Variants in INPP4B observed in about 807,000 individuals in gnomAD.
The protein encoded by INPP4B is inositol polyphosphate 4-phosphatase type II.
INPP4B carries 55 observed loss-of-function variants against 122.5 expected under a neutral mutation model. The observed-to-expected ratio is 0.45, with a 90% CI of 0.36 to 0.56. INPP4B has a LOEUF of 0.56. INPP4B is among the 20% of genes least tolerant of loss of function. INPP4B has a pLI of 0.00. For synonymous variants in INPP4B, 403 were observed against 388.7 expected (o/e 1.04, Z -0.43); for missense variants, 1,000 against 1,097.7 (o/e 0.91, Z 1.26).
chr4:142,474,027 C>T (rs759268167), intron 2 of INPP4B, among the ~76,000 whole-genome samples: 8 of 152,138 alleles, frequency 5.3e-5, no homozygotes, highest in African/African-American at 7.2e-5. Flanking sequence ...AGGAAACATC[C>T]GGGCTGCAGG....
At chr4:142,410,112 GA>G (rs1488765560) in intron 5 of INPP4B, among the ~76,000 whole-genome samples, 1 of 152,178 alleles carries the variant, frequency 6.6e-6, no homozygotes, top group Non-Finnish European at 1.5e-5. Flanking sequence ...AATACCTCTT[GA>G]TTCACATCAG....
intron 3 of INPP4B, among the ~76,000 whole-genome samples, chr4:142,448,403 G>C (rs895300446): frequency 6.8e-6 from 1 of 146,586 alleles, no homozygotes; most frequent in African/African-American, 2.5e-5. Context: ...CAATAGTGAA[G>C]CATTAAACTT....
intron 8 of INPP4B, among the ~76,000 whole-genome samples, chr4:142,307,448 C>G (rs1335496343): frequency 6.6e-6 from 1 of 151,684 alleles, no homozygotes; most frequent in Non-Finnish European, 1.5e-5. Flanking sequence ...TGCTGATAAC[C>G]CCCCACTGCA....
intron 2 of INPP4B, among the ~76,000 whole-genome samples, chr4:142,646,782 T>C (rs1013096992): frequency 1.3e-5 from 2 of 152,282 alleles, no homozygotes; most frequent in African/African-American, 4.8e-5. Context: ...CCAATCTAGA[T>C]TGAAACCAGG....
At chr4:142,794,017 A>G (rs998085932) in intron 1 of INPP4B, among the ~76,000 whole-genome samples, 4 of 152,178 alleles carry the variant, frequency 2.6e-5, no homozygotes, top group Admixed American at 2.6e-4. Flanking sequence ...ATTACAAACA[A>G]AGAATCAATG....
At chr4:142,230,420 T>C (rs781516938) in intron 12 of INPP4B, among the ~76,000 whole-genome samples, 62 of 151,650 alleles carry the variant, frequency 4.1e-4, no homozygotes, top group Non-Finnish European at 7.8e-4. Context: ...CTGAGGCAGG[T>C]GGATCACCTG....
chr4:142,747,564 A>AT (rs1177221115), intron 1 of INPP4B, among the ~76,000 whole-genome samples: 1 of 152,206 alleles, frequency 6.6e-6, no homozygotes, highest in East Asian at 1.9e-4. Context: ...ATAAAGACAC[A>AT]TGCACATGTA....
chr4:142,235,578 C>T (rs1416434242), intron 12 of INPP4B, among the ~76,000 whole-genome samples: 1 of 152,058 alleles, frequency 6.6e-6, no homozygotes, highest in South Asian at 2.1e-4. Context: ...CCCACCACCA[C>T]GCCTGGATAA....
intron 7 of INPP4B, among the ~76,000 whole-genome samples, chr4:142,330,774 A>C (rs1050726675): frequency 1.3e-5 from 2 of 152,182 alleles, no homozygotes; most frequent in African/African-American, 4.8e-5. Context: ...GTCATTTATA[A>C]TGTATGTTTT....
At chr4:142,599,912 C>G (rs1037231141) in intron 2 of INPP4B, among the ~76,000 whole-genome samples, 1 of 151,282 alleles carries the variant, frequency 6.6e-6, no homozygotes, top group Admixed American at 6.6e-5. Context: ...TAGACTAGAC[C>G]AAGCAGAAGA....
intron 1 of INPP4B, among the ~76,000 whole-genome samples, chr4:142,808,251 G>C (rs1461249009): frequency 6.6e-6 from 1 of 152,068 alleles, no homozygotes; most frequent in Non-Finnish European, 1.5e-5. Context: ...TACCAAATAA[G>C]GTTTCACAAC....
At chr4:142,505,172 G>A (rs59456427) in intron 2 of INPP4B, among the ~76,000 whole-genome samples, 6,887 of 151,232 alleles carry the variant, frequency 0.046, 195 homozygotes, top group Middle Eastern at 0.075. Flanking sequence ...CCAGGAATTC[G>A]AGGTTGCAGT....
intron 7 of INPP4B, among the ~76,000 whole-genome samples, chr4:142,354,094 A>G (rs1782806132): frequency 6.6e-6 from 1 of 152,018 alleles, no homozygotes; most frequent in Non-Finnish European, 1.5e-5. Flanking sequence ...TCAAATGCAT[A>G]CAACCAGTCA....
At chr4:142,513,090 G>T (rs992258197) in intron 2 of INPP4B, among the ~76,000 whole-genome samples, 2 of 152,046 alleles carry the variant, frequency 1.3e-5, no homozygotes, top group African/African-American at 4.8e-5. Flanking sequence ...TTCATAATAT[G>T]ACAGGGCACT....
intron 2 of INPP4B, among the ~76,000 whole-genome samples, chr4:142,548,394 G>A (rs1382804556): frequency 6.6e-6 from 1 of 152,094 alleles, no homozygotes; most frequent in Non-Finnish European, 1.5e-5. Context: ...GGTCATGAAA[G>A]GAAAAGTCTA....
At chr4:142,310,775 A>C (rs1342510907) in intron 8 of INPP4B, among the ~76,000 whole-genome samples, 1 of 152,100 alleles carries the variant, frequency 6.6e-6, no homozygotes, top group Non-Finnish European at 1.5e-5. Context: ...ACATTGAAAA[A>C]TACATCAAAA....
At chr4:142,562,724 T>C (rs977837150) in intron 2 of INPP4B, among the ~76,000 whole-genome samples, 5 of 151,996 alleles carry the variant, frequency 3.3e-5, no homozygotes, top group African/African-American at 1.2e-4. Context: ...AATAGAGAGA[T>C]AATAAAATAA....
chr4:142,549,986 G>A (rs1727582068), intron 2 of INPP4B, among the ~76,000 whole-genome samples: 1 of 152,152 alleles, frequency 6.6e-6, no homozygotes, highest in Non-Finnish European at 1.5e-5. Flanking sequence ...CATTTTAAAA[G>A]CCAGGTGCAT....
intron 1 of INPP4B, among the ~76,000 whole-genome samples, chr4:142,789,829 C>A (rs1346256360): frequency 6.6e-6 from 1 of 152,066 alleles, no homozygotes; most frequent in African/African-American, 2.4e-5. Context: ...TACCTGATTT[C>A]TAACTATACT....
Sources: allele counts gnomAD v4.1 joint callset (sites outside exome capture counted in the v4.1 genomes callset), GRCh38; gene constraint gnomAD v4.1.1; transcripts MANE v1.5; gene names NCBI Gene and HGNC (gene_info 2026-07-23, HGNC 2026-07-21).